The following SLC12A7 variants were observed in gnomAD, a reference collection of about 807,000 sequenced individuals.
SLC12A7 encodes K-Cl cotransporter 4.
Under a neutral mutation model 120.6 loss-of-function variants are expected in SLC12A7, and 100 were observed. The observed-to-expected ratio is 0.83, with a 90% CI of 0.71 to 0.98. The LOEUF is 0.98. Among genes scored for constraint, SLC12A7 ranks in the 50% least tolerant of loss-of-function variants. The pLI, the probability that SLC12A7 is intolerant of heterozygous loss-of-function variation, is 0.00. For missense variants in SLC12A7, 1,373 were observed against 1,548.1 expected (o/e 0.89, Z 1.90); for synonymous variants, 760 against 678.0 (o/e 1.12, Z -1.88).
chr5:1,060,147 G>A (rs760547261), intron 21 of SLC12A7, among the ~76,000 whole-genome samples, 197 bp downstream of exon 21: 83 of 152,366 alleles, frequency 5.4e-4, no homozygotes, highest in Admixed American at 1.8e-3. Context: ...GATGAGCTCT[G>A]GCTTTGACGC....
rs927704240 is a variant in SLC12A7, at chr5:1,112,025, C to T, written c.-34G>A. On this transcript the variant is annotated 5_prime_UTR_variant, in exon 1 of 24. Transcript: ENST00000264930. ...GCAGCCGACAGTCCCCGTCCCGGCC[C>T]GGCCCGCGCTGCGCCGCTCCCGCCG... The T allele has an allele frequency of 8.1e-6, 10 of 1,242,192 alleles. No homozygotes were observed. Among genetic ancestry groups the T allele is most frequent in the Non-Finnish European group, 1.0e-5 (10 of 991,838 alleles). The allele number at this position is 1,242,192 out of a possible 1,614,324, so 76.9% of individuals were successfully genotyped here. A position where few individuals can be genotyped will look rare whatever the true frequency, so the allele number is the denominator to read the frequency against.
the SLC12A7 span, among the ~76,000 whole-genome samples, chr5:1,155,255 C>G: frequency 6.6e-6 from 1 of 152,182 alleles, no homozygotes; most frequent in African/African-American, 2.4e-5. Context: ...ATCATCAGAT[C>G]ACAGCCCCGC....
At chr5:1,109,092 C>G (rs979176533) in intron 1 of SLC12A7, among the ~76,000 whole-genome samples, 1 of 152,170 alleles carries the variant, frequency 6.6e-6, no homozygotes, top group African/African-American at 2.4e-5. Flanking sequence ...GCCCAGGGAG[C>G]CCCAGACGAG....
At chr5:1,089,639 G>C (rs1207271816) in intron 3 of SLC12A7, among the ~76,000 whole-genome samples, 1 of 151,924 alleles carries the variant, frequency 6.6e-6, no homozygotes, top group African/African-American at 2.4e-5. Flanking sequence ...CATCTTAACC[G>C]GGCACGGAGG....
At chr5:1,086,647 A>T (rs938361687) in intron 6 of SLC12A7, among the ~76,000 whole-genome samples, 3 of 152,200 alleles carry the variant, frequency 2.0e-5, no homozygotes, top group African/African-American at 7.2e-5. Flanking sequence ...TACAGTCCAG[A>T]TGTCTACCCA....
Position 1,103,644 on chromosome 5 carries a change from C to T in SLC12A7, c.124+8224G>A, listed in dbSNP as rs557647664. Among the ~76,000 whole-genome samples the T allele has an allele frequency of 1.3e-4, 20 of 152,326 alleles. No homozygotes were observed. In the South Asian group the frequency reaches 3.1e-3, roughly 24 times the overall value. ...GCAGTCACATACACACACCAACACC[C>T]GCACATACACGTGTACACACACACA... is the stretch of plus-strand genomic sequence containing the variant. On this transcript the variant is annotated intron_variant, in intron 1 of 23. Coordinates refer to ENST00000264930, the MANE Select transcript of SLC12A7 (RefSeq NM_006598.3).
intron 1 of SLC12A7, among the ~76,000 whole-genome samples, chr5:1,101,409 C>T (rs998437989): frequency 2.6e-5 from 4 of 152,182 alleles, no homozygotes; most frequent in Non-Finnish European, 5.9e-5. Context: ...CCAGCAGGCC[C>T]GACCTGGGTC....
the SLC12A7 span, among the ~76,000 whole-genome samples, chr5:1,134,004 A>G: frequency 6.6e-6 from 1 of 152,144 alleles, no homozygotes; most frequent in African/African-American, 2.4e-5. Context: ...AAGCCTGCTC[A>G]GCCCAGCTAG....
chr5:1,120,811 A>C, the SLC12A7 span, among the ~76,000 whole-genome samples: 2 of 152,184 alleles, frequency 1.3e-5, no homozygotes, highest in East Asian at 1.9e-4. Flanking sequence ...CGTGAAGCTC[A>C]AGGGCAGGCA....
At chr5:1,095,697 C>G (rs973208016) in intron 1 of SLC12A7, among the ~76,000 whole-genome samples, 1 of 152,246 alleles carries the variant, frequency 6.6e-6, no homozygotes, top group Non-Finnish European at 1.5e-5. Context: ...TGGGCATTCT[C>G]TATGGGACAT....
chr5:1,115,857 AAAGGAAAGAGGT>A, upstream of SLC12A7, among the ~76,000 whole-genome samples: 1 of 135,456 alleles, frequency 7.4e-6, no homozygotes, highest in African/African-American at 3.5e-5. Flanking sequence ...AGGGGGAGGG[AAAGGAAAGAGGT>A]GGGAAGGGAG....
Position 1,083,841 on chromosome 5 carries a change from C to A in SLC12A7, c.1033G>T (p.Gly345Cys). Residue 345 changes from glycine to cysteine, a missense_variant, in exon 8 of 24, where the codon GGC becomes TGC. Coordinates refer to ENST00000264930, the MANE Select transcript of SLC12A7 (RefSeq NM_006598.3). ...TSALWGLFCNGSQPSAACDEY... is the reference protein window; with the variant it reads ...TSALWGLFCNCSQPSAACDEY... The stretch of plus-strand genomic sequence containing the variant: ...TCACAGGCGGCGCTGGGCTGGGAGC[C>A]GTTGCAGAAGAGGCCCCAGAGCGCG... The A allele has an allele frequency of 2.5e-6, 4 of 1,608,392 alleles. No individual in the cohort carries two copies. The highest frequency in any genetic ancestry group is 3.4e-6 in the Non-Finnish European group (4 of 1,177,066).
upstream of SLC12A7, among the ~76,000 whole-genome samples, chr5:1,112,853 C>T (rs1743145447): frequency 7.6e-6 from 1 of 131,874 alleles, no homozygotes; most frequent in African/African-American, 2.6e-5. Flanking sequence ...GTTTAGGGAC[C>T]TAACCCAGTA....
rs1001711214 is a variant in SLC12A7, at chr5:1,055,316, C to A, written c.3027-1834G>T. Among the ~76,000 whole-genome samples the A allele has an allele frequency of 2.6e-5, 4 of 152,360 alleles. No individual in the cohort carries two copies. The East Asian group carries it at 7.7e-4, about 29-fold the overall frequency. On this transcript the variant is annotated intron_variant, in intron 22 of 23. Transcript: ENST00000264930. ...GCACACAGACATGCACACTAACGTA[C>A]GTGGACGTGCACACAGGCAGGTACA...
At chr5:1,106,493 AG>A (rs1309749724) in intron 1 of SLC12A7, among the ~76,000 whole-genome samples, 1 of 149,656 alleles carries the variant, frequency 6.7e-6, no homozygotes, top group African/African-American at 2.5e-5. Flanking sequence ...ATATTCCAAC[AG>A]GGATGGTAAC....
chr5:1,073,949 G>C, intron 16 of SLC12A7, 148 bp from the exon 17 acceptor site: 1 of 720,542 alleles, frequency 1.4e-6, no homozygotes, highest in African/African-American at 1.8e-5. Flanking sequence ...AAAGGGGCAG[G>C]TGACAGATGG....
intron 22 of SLC12A7, among the ~76,000 whole-genome samples, chr5:1,054,382 TG>T (rs1347080685): frequency 2.6e-5 from 4 of 152,102 alleles, no homozygotes; most frequent in Non-Finnish European, 5.9e-5. Flanking sequence ...TGCAGAATCA[TG>T]CTGTGAGGTG....
Position 1,075,618 on chromosome 5 carries a change from C to T in SLC12A7, c.1848-128G>A, listed in dbSNP as rs28362494. Reference sequence around the variant, plus strand: ...TTAACACTAGGAAAACAGTCACTGACGCCTGACGACCATGGCTGTACTCAA... The same window carrying T: ...TTAACACTAGGAAAACAGTCACTGATGCCTGACGACCATGGCTGTACTCAA... On this transcript the variant is annotated intron_variant, in intron 14 of 23. Transcript: ENST00000264930. The T allele has an allele frequency of 3.3e-3, 4,517 of 1,364,514 alleles. 158 individuals are homozygous for T. The East Asian group carries it at 0.05, about 15-fold the overall frequency. 84.5% of individuals were successfully genotyped at this position (1,364,514 alleles called of 1,614,324 possible).
chr5:1,136,747 C>A, the SLC12A7 span, among the ~76,000 whole-genome samples: 2 of 143,326 alleles, frequency 1.4e-5, no homozygotes, highest in South Asian at 2.3e-4. Context: ...ACACCAACAC[C>A]AGGACACGCA....
Sources: allele counts gnomAD v4.1 joint callset (sites outside exome capture counted in the v4.1 genomes callset), GRCh38; gene constraint gnomAD v4.1.1; transcripts MANE v1.5; gene names NCBI Gene and HGNC (gene_info 2026-07-23, HGNC 2026-07-21).